The following TENM3 variants were observed in gnomAD, a reference collection of about 807,000 sequenced individuals.
TENM3 encodes teneurin-3.
Under a neutral mutation model 255.1 loss-of-function variants are expected in TENM3, and 63 were observed. The ratio of observed to expected loss-of-function variants is 0.25; its 90% CI spans 0.20 to 0.30. The LOEUF is 0.30. Among genes scored for constraint, TENM3 ranks in the 10% least tolerant of loss-of-function variants. The probability of loss-of-function intolerance (pLI) is 1.00; values close to 1 mark genes in which losing one functional copy is unlikely to be tolerated. For missense variants in TENM3, 2,929 were observed against 3,461.1 expected (o/e 0.85, Z 3.86); for synonymous variants, 1,306 against 1,322.3 (o/e 0.99, Z 0.27).
chr4:181,745,315 G>A, the TENM3 span, among the ~76,000 whole-genome samples: 50,942 of 151,958 alleles, frequency 0.34, 8,608 homozygotes, highest in South Asian at 0.38. Context: ...CAAGAGAATA[G>A]AGGAGAGAAA....
intron 1 of TENM3, among the ~76,000 whole-genome samples, chr4:182,180,130 GTTTTT>G (rs66892895): frequency 0.27 from 39,904 of 148,264 alleles, 6,627 homozygotes; most frequent in Non-Finnish European, 0.39. Context: ...AAATCGAAGA[GTTTTT>G]TTTTTTTAAA....
At chr4:181,696,642 T>C in the TENM3 span, among the ~76,000 whole-genome samples, 1 of 152,214 alleles carries the variant, frequency 6.6e-6, no homozygotes, top group African/African-American at 2.4e-5. Flanking sequence ...GATTTACTTA[T>C]ATTCTCAGTG....
At chr4:181,721,270 C>G in the TENM3 span, among the ~76,000 whole-genome samples, 2 of 151,588 alleles carry the variant, frequency 1.3e-5, no homozygotes, top group Non-Finnish European at 2.9e-5. Context: ...AATGTCATGG[C>G]CTGAAGTTCA....
chr4:182,617,917 CAAGAT>C (rs1346540820), intron 4 of TENM3, among the ~76,000 whole-genome samples: 1 of 152,154 alleles, frequency 6.6e-6, no homozygotes, highest in Non-Finnish European at 1.5e-5. Context: ...TGTTACTACA[CAAGAT>C]AAGTATTTTT....
At chr4:181,545,573 G>T in the TENM3 span, among the ~76,000 whole-genome samples, 1 of 152,158 alleles carries the variant, frequency 6.6e-6, no homozygotes, top group Non-Finnish European at 1.5e-5. Flanking sequence ...GGCTTTTAGA[G>T]GCTTTAAGTG....
At chr4:182,000,096 C>T in the TENM3 span, among the ~76,000 whole-genome samples, 4 of 152,000 alleles carry the variant, frequency 2.6e-5, no homozygotes, top group Admixed American at 6.6e-5. Context: ...GGATTTTCTA[C>T]GTCATATCAA....
the TENM3 span, among the ~76,000 whole-genome samples, chr4:181,872,432 C>T: frequency 5.3e-5 from 8 of 151,912 alleles, no homozygotes; most frequent in Non-Finnish European, 1.2e-4. Context: ...GTATTAAGCC[C>T]AGTACCCATT....
At chr4:181,552,992 C>T in the TENM3 span, among the ~76,000 whole-genome samples, 1 of 152,318 alleles carries the variant, frequency 6.6e-6, no homozygotes, top group Admixed American at 6.5e-5. Flanking sequence ...CTTTTTCTGA[C>T]TCCCTTCTAG....
chr4:181,723,253 G>A, the TENM3 span, among the ~76,000 whole-genome samples: 2 of 150,962 alleles, frequency 1.3e-5, no homozygotes, highest in South Asian at 2.1e-4. Context: ...AATCTCTGAA[G>A]CAATACAGAC....
At chr4:181,607,930 A>G in the TENM3 span, among the ~76,000 whole-genome samples, 1 of 152,236 alleles carries the variant, frequency 6.6e-6, no homozygotes, top group Non-Finnish European at 1.5e-5. Context: ...AAGAGTGGCA[A>G]ATGGTGACAA....
chr4:181,610,702 G>A, the TENM3 span, among the ~76,000 whole-genome samples: 1 of 151,916 alleles, frequency 6.6e-6, no homozygotes, highest in Admixed American at 6.6e-5. Context: ...TAACAAGTCT[G>A]GGGGGTGGTG....
upstream of TENM3, among the ~76,000 whole-genome samples, chr4:182,241,524 T>C (rs1470938475): frequency 6.9e-6 from 1 of 144,696 alleles, no homozygotes; most frequent in Non-Finnish European, 1.5e-5. Context: ...CTTTCTTTTT[T>C]TTTTTTTTTT....
chr4:182,353,346 G>A (rs1386016787), intron 3 of TENM3, among the ~76,000 whole-genome samples: 2 of 151,846 alleles, frequency 1.3e-5, no homozygotes. Flanking sequence ...TTTCACTGTG[G>A]GCCCTCTTCC....
intron 1 of TENM3, among the ~76,000 whole-genome samples, chr4:182,256,887 T>C (rs903422431): frequency 2.6e-5 from 4 of 151,946 alleles, no homozygotes; most frequent in African/African-American, 9.7e-5. Flanking sequence ...TTTTCTTCTT[T>C]CAAACACTGC....
At chr4:181,916,011 TAA>T in the TENM3 span, among the ~76,000 whole-genome samples, 2 of 152,124 alleles carry the variant, frequency 1.3e-5, no homozygotes, top group Admixed American at 1.3e-4. Context: ...GCTGTTAGAA[TAA>T]AGTCTAAAAT....
intron 1 of TENM3, among the ~76,000 whole-genome samples, chr4:182,309,562 C>A (rs994875929): frequency 1.2e-4 from 18 of 152,058 alleles, no homozygotes; most frequent in African/African-American, 4.3e-4. Context: ...ACTACCAAGA[C>A]AAAAATATTT....
intron 3 of TENM3, among the ~76,000 whole-genome samples, chr4:182,530,204 C>A (rs1020388828): frequency 6.6e-6 from 1 of 152,116 alleles, no homozygotes; most frequent in Non-Finnish European, 1.5e-5. Context: ...GGCATTGAAA[C>A]TCAGACCGCA....
chr4:181,579,146 AG>A, the TENM3 span, among the ~76,000 whole-genome samples: 3 of 152,092 alleles, frequency 2.0e-5, no homozygotes, highest in Admixed American at 6.6e-5. Context: ...ACTCTGGCCA[AG>A]TCCAGGTCAG....
At chr4:182,758,787 A>C (rs1488804028) in intron 22 of TENM3, among the ~76,000 whole-genome samples, 7 of 152,138 alleles carry the variant, frequency 4.6e-5, no homozygotes, top group African/African-American at 1.7e-4. Flanking sequence ...TGTGAAAAAA[A>C]ATTGCCATCC....
Sources: allele counts gnomAD v4.1 joint callset (sites outside exome capture counted in the v4.1 genomes callset), GRCh38; gene constraint gnomAD v4.1.1; transcripts MANE v1.5; gene names NCBI Gene and HGNC (gene_info 2026-07-23, HGNC 2026-07-21).